The following EFHB variants were observed in gnomAD, a reference collection of about 807,000 sequenced individuals.
EFHB encodes the protein EF-hand domain-containing family member B.
Under a neutral mutation model 87.2 loss-of-function variants are expected in EFHB, and 91 were observed. The ratio of observed to expected loss-of-function variants is 1.04; its 90% CI spans 0.88 to 1.24. The LOEUF (loss-of-function observed/expected upper bound fraction) is 1.24. Ranked by LOEUF, EFHB falls within the 50% of genes most tolerant of loss-of-function variation. EFHB has a pLI of 0.00. For missense variants in EFHB, 1,084 were observed against 998.8 expected (o/e 1.09, Z -1.15); for synonymous variants, 325 against 333.6 (o/e 0.97, Z 0.28).
At chr3:19,921,837 C>A (rs115328787) in intron 1 of EFHB, among the ~76,000 whole-genome samples, 4,016 of 152,052 alleles carry the variant, frequency 0.026, 179 homozygotes, top group African/African-American at 0.091. Flanking sequence ...TTGTCTCTCT[C>A]TATACTTAGG....
chr3:19,934,160 T>C lies in EFHB; in HGVS notation c.-142A>G. On this transcript the variant is annotated 5_prime_UTR_variant, in exon 1 of 13. It removes an upstream start codon present in the reference 5' UTR. Transcript: ENST00000295824. ...CAACCTCACTCGGACTCCCTGTCCA[T>C]TGCTTCCTGCCTGCCTCTTAACACC... 4 of 1,445,120 alleles carry C rather than the reference T, an allele frequency of 2.8e-6. No individual in the cohort carries two copies. Among genetic ancestry groups the C allele is most frequent in the Non-Finnish European group, 2.7e-6 (3 of 1,106,816 alleles). The allele number at this position is 1,445,120 out of a possible 1,614,324, so 89.5% of individuals were successfully genotyped here.
At position 19,897,954 on chromosome 3, in the gene EFHB, G is replaced by A. The variant is rs932985890; in HGVS notation, c.1570+824C>T. Reference sequence around the variant, plus strand: ...ACATTTTTCATAGTGGTTCTTAAACGTTAGTGTATATAAGAACCTACTGAA... The same window carrying A: ...ACATTTTTCATAGTGGTTCTTAAACATTAGTGTATATAAGAACCTACTGAA... On this transcript the variant is annotated intron_variant, in intron 8 of 12. Coordinates refer to ENST00000295824, the MANE Select transcript of EFHB (RefSeq NM_144715.4). Among the ~76,000 whole-genome samples the A allele has an allele frequency of 8.5e-5, 13 of 152,120 alleles. 1 individual carries two copies. Among genetic ancestry groups the A allele is most frequent in the South Asian group, 2.1e-4 (1 of 4,826 alleles).
At chr3:19,889,817 C>T (rs1026399716) in intron 9 of EFHB, among the ~76,000 whole-genome samples, 4 of 152,086 alleles carry the variant, frequency 2.6e-5, no homozygotes, top group Admixed American at 6.5e-5. Flanking sequence ...GGAGAAATCC[C>T]GTCTCTACTG....
intron 10 of EFHB, among the ~76,000 whole-genome samples, chr3:19,884,939 C>T (rs1023412539): frequency 1.3e-5 from 2 of 149,934 alleles, no homozygotes; most frequent in Non-Finnish European, 3.0e-5. Flanking sequence ...AAAAATAGAG[C>T]GGCCAGGCAC....
At chr3:19,898,276 C>T (rs1032749119) in intron 8 of EFHB, among the ~76,000 whole-genome samples, 2 of 152,166 alleles carry the variant, frequency 1.3e-5, no homozygotes, top group African/African-American at 4.8e-5. Flanking sequence ...TTGTAGAGTA[C>T]AGTGCTTTCT....
Position 19,888,457 on chromosome 3 carries a change from C to A in EFHB, c.1920G>T (p.Arg640Ser). Residue 640 changes from arginine (R) to serine (S), a missense_variant, in exon 10 of 13, where the codon AGG becomes AGT. Physicochemically the swap from Arg to Ser is moderately radical, Grantham distance 110. Coordinates refer to ENST00000295824, the MANE Select transcript of EFHB (RefSeq NM_144715.4). Reference sequence around the variant, plus strand: ...AAAATTAAATACCTTTAATAATGACCCTCTCTTCATACTCTTTAAGAAGCA... The same window carrying A: ...AAAATTAAATACCTTTAATAATGACACTCTCTTCATACTCTTTAAGAAGCA... The part of the protein sequence containing the change: ...DKMLLKEYEE[R>S]VIIKGRKPDC... 2 of 1,522,460 alleles carry A rather than the reference C, an allele frequency of 1.3e-6. No individual in the cohort carries two copies. The highest frequency in any genetic ancestry group is 1.8e-6 in the Non-Finnish European group (2 of 1,125,746). The allele number at this position is 1,522,460 out of a possible 1,614,324, so 94.3% of individuals were successfully genotyped here.
rs377139989 is a variant in EFHB at position 19,933,770 on chromosome 3, G to C, written c.249C>G (p.Val83=). 10 of 1,613,848 alleles carry C rather than the reference G, an allele frequency of 6.2e-6. No homozygotes were observed. Among genetic ancestry groups the C allele is most frequent in the Non-Finnish European group, 8.5e-6 (10 of 1,179,886 alleles). Residue 83 remains valine (V), a synonymous_variant, in exon 1 of 13, where the codon GTC becomes GTG. Coordinates refer to ENST00000295824, the MANE Select transcript of EFHB (RefSeq NM_144715.4). The part of the protein sequence containing the change: ...GLERQNISRT[V]MQRGSLGVDS... The stretch of plus-strand genomic sequence containing the variant: ...CGACTCCTAAACTACCCCTCTGCAT[G>C]ACAGTCCTAGAAATATTCTGTCTTT...
intron 10 of EFHB, among the ~76,000 whole-genome samples, chr3:19,884,907 T>C (rs1220097412): frequency 7.0e-6 from 1 of 143,352 alleles, no homozygotes; most frequent in Non-Finnish European, 1.5e-5. Flanking sequence ...TCCATTCATT[T>C]CTTTTCTTAA....
chr3:19,938,596 AT>A (rs1452609244), upstream of EFHB, among the ~76,000 whole-genome samples: 1 of 152,224 alleles, frequency 6.6e-6, no homozygotes, highest in East Asian at 1.9e-4. Flanking sequence ...TAGGAAAAAA[AT>A]AAGAGATGTG....
chr3:19,916,109 T>G (rs2125147891), intron 4 of EFHB, among the ~76,000 whole-genome samples: 1 of 152,356 alleles, frequency 6.6e-6, no homozygotes, highest in Non-Finnish European at 1.5e-5. Context: ...CAAGATGATC[T>G]AAACAAATCT....
At chr3:19,891,830 C>T (rs1179500294) in intron 9 of EFHB, among the ~76,000 whole-genome samples, 2 of 152,168 alleles carry the variant, frequency 1.3e-5, no homozygotes, top group Non-Finnish European at 1.5e-5. Flanking sequence ...CATGGCAACA[C>T]ACCCCCATTA....
chr3:19,885,179 G>A (rs909377313), intron 10 of EFHB, among the ~76,000 whole-genome samples: 4 of 149,556 alleles, frequency 2.7e-5, no homozygotes, highest in Admixed American at 6.7e-5. Context: ...CCGAGATCGC[G>A]CCATTGCACT....
chr3:19,891,590 G>C (rs1694307246), intron 9 of EFHB, among the ~76,000 whole-genome samples: 1 of 152,066 alleles, frequency 6.6e-6, no homozygotes, highest in Non-Finnish European at 1.5e-5. Flanking sequence ...ACTGACTCTT[G>C]GGCTGTTGAC....
At chr3:19,888,743 T>C in intron 9 of EFHB, 92 bp from the exon 10 acceptor site, 1 of 1,046,682 alleles carries the variant, frequency 9.6e-7, no homozygotes, top group Non-Finnish European at 1.4e-6. Context: ...AAGAAATAGC[T>C]TCATCACATA....
rs1345612037 is a variant in EFHB, at chr3:19,882,560, G to A, written c.2318C>T (p.Ser773Leu). Residue 773 changes from serine (S) to leucine (L), a missense_variant, in exon 12 of 13, where the codon TCA becomes TTA. Coordinates refer to ENST00000295824, the MANE Select transcript of EFHB (RefSeq NM_144715.4). ...VFERDFFKTR[S>L]KEEIAEILCN... ...GCTTATATGCTATACCTCTTCTTTT[G>A]ATCTGGTCTTGAAGAAGTCTCTTTC... The A allele has an allele frequency of 1.3e-6, 2 of 1,598,078 alleles. No homozygotes were observed. The highest frequency in any genetic ancestry group is 2.2e-5 in the East Asian group (1 of 44,728).
chr3:19,895,338 C>T (rs1694444405), intron 9 of EFHB, among the ~76,000 whole-genome samples: 1 of 151,646 alleles, frequency 6.6e-6, no homozygotes. Context: ...AAAAATTAGT[C>T]GGGCCTGGTG....
At chr3:19,917,206 ATATAAATATAAATATATATAGTT>A (rs1695262724) in intron 4 of EFHB, among the ~76,000 whole-genome samples, 1 of 149,850 alleles carries the variant, frequency 6.7e-6, no homozygotes, top group Non-Finnish European at 1.5e-5. Context: ...CCCAGCCTCT[ATATAAATATAAATATATATAGTT>A]TATAAATATA....
At chr3:19,940,778 G>A (rs1696140181) in intron 1 of EFHB, 5 of 356,100 alleles carry the variant, frequency 1.4e-5, no homozygotes, top group South Asian at 1.2e-4. Context: ...GAACACCTTG[G>A]AGTGCCAAAG....
chr3:19,912,929 C>T (rs1191367374), intron 5 of EFHB, among the ~76,000 whole-genome samples: 1 of 152,040 alleles, frequency 6.6e-6, no homozygotes, highest in Admixed American at 6.6e-5. Flanking sequence ...GAGTAAAAAA[C>T]CATATGATCA....
Sources: gnomAD v4.1 joint callset for allele counts (sites outside exome capture counted in the v4.1 genomes callset) on GRCh38, gnomAD v4.1.1 for gene constraint, MANE v1.5 for transcripts, NCBI Gene and HGNC (gene_info 2026-07-23, HGNC 2026-07-21) for gene names.